The following SEC14L4 variants were observed in gnomAD, a reference collection of about 807,000 sequenced individuals.
The protein encoded by SEC14L4 is SEC14-like protein 4.
SEC14L4 carries 42 observed loss-of-function variants against 55.1 expected under a neutral mutation model. The observed-to-expected ratio is 0.76, with a 90% CI of 0.60 to 0.99. SEC14L4 has a LOEUF of 0.99. Ranked by LOEUF, SEC14L4 falls within the 50% of genes least tolerant of loss-of-function variation. The probability of loss-of-function intolerance (pLI) is 0.00; values close to 1 mark genes in which losing one functional copy is unlikely to be tolerated. For missense variants in SEC14L4, 445 were observed against 512.1 expected, an observed-to-expected ratio of 0.87 and a Z score of 1.27; for synonymous variants, 206 against 206.8, an observed-to-expected ratio of 1.00 and a Z score of 0.03.
intron 11 of SEC14L4, 102 bp from the exon 12 acceptor site, chr22:30,490,348 C>T: frequency 6.4e-7 from 1 of 1,560,788 alleles, no homozygotes; most frequent in Non-Finnish European, 8.7e-7. Flanking sequence ...GAATGAGCTG[C>T]ATCCCTGGAA....
chr22:30,500,938 G>A (rs1445547378), intron 2 of SEC14L4, among the ~76,000 whole-genome samples: 1 of 151,450 alleles, frequency 6.6e-6, no homozygotes, highest in African/African-American at 2.4e-5. Flanking sequence ...GCTCATACCT[G>A]TAATCCCCGC....
chr22:30,496,000 C>T, intron 2 of SEC14L4, 29 bp from the exon 3 acceptor site: 1 of 1,609,880 alleles, frequency 6.2e-7, no homozygotes, highest in Non-Finnish European at 8.5e-7. Context: ...AATAGAAGCT[C>T]AAGGCTAGAT....
At chr22:30,502,859 T>C (rs1936373548) in intron 2 of SEC14L4, among the ~76,000 whole-genome samples, 2 of 152,312 alleles carry the variant, frequency 1.3e-5, no homozygotes, top group South Asian at 4.1e-4. Flanking sequence ...CTTGTTATTA[T>C]TTTTTTAGAC....
intron 3 of SEC14L4, 89 bp from the exon 4 acceptor site, chr22:30,495,731 C>T (rs1025469095): frequency 1.9e-6 from 3 of 1,610,484 alleles, no homozygotes. Context: ...CAAGATCCCA[C>T]CACAGCATAC....
intron 11 of SEC14L4, 28 bp from the exon 12 acceptor site, chr22:30,490,274 G>A: frequency 6.2e-7 from 1 of 1,609,610 alleles, no homozygotes; most frequent in Non-Finnish European, 8.5e-7. Context: ...TGATCAGGGA[G>A]CACAAACCCC....
At chr22:30,500,644 G>A (rs1936288853) in intron 2 of SEC14L4, among the ~76,000 whole-genome samples, 1 of 151,842 alleles carries the variant, frequency 6.6e-6, no homozygotes, top group African/African-American at 2.4e-5. Flanking sequence ...AGGATTACAG[G>A]AGTGAGCCAC....
chr22:30,505,537 C>T (rs1316456188), intron 1 of SEC14L4, 21 bp downstream of exon 1: 4 of 1,557,142 alleles, frequency 2.6e-6, no homozygotes, highest in Non-Finnish European at 2.6e-6. Context: ...CTCAAGCCTC[C>T]CAGCCCGCGA....
chr22:30,504,942 G>T (rs1936444474), intron 1 of SEC14L4, among the ~76,000 whole-genome samples: 1 of 152,028 alleles, frequency 6.6e-6, no homozygotes, highest in African/African-American at 2.4e-5. Context: ...GACCTGCCTG[G>T]CCAATATGGT....
At chr22:30,494,324 T>G in intron 6 of SEC14L4, 114 bp from the exon 7 acceptor site, 1 of 774,818 alleles carries the variant, frequency 1.3e-6, no homozygotes, top group Non-Finnish European at 2.3e-6. Context: ...CCATCCTACC[T>G]TCCCCACAAG....
chr22:30,497,116 A>G (rs1180983066), intron 2 of SEC14L4, among the ~76,000 whole-genome samples: 1 of 152,164 alleles, frequency 6.6e-6, no homozygotes, highest in Admixed American at 6.5e-5. Flanking sequence ...AGGCGGGCAG[A>G]TCACTTGAGG....
chr22:30,495,802 A>AGG, intron 3 of SEC14L4, 126 bp downstream of exon 3: 1 of 1,594,346 alleles, frequency 6.3e-7, no homozygotes, highest in Non-Finnish European at 8.6e-7. Context: ...TGATGCAGAA[A>AGG]GAGATCGGGG....
intron 2 of SEC14L4, among the ~76,000 whole-genome samples, chr22:30,496,676 C>T (rs1601849916): frequency 6.6e-6 from 1 of 152,122 alleles, no homozygotes; most frequent in African/African-American, 2.4e-5. Flanking sequence ...AAACCTTGAG[C>T]AAGTCACTTA....
rs1365434507 is a variant in SEC14L4, at chr22:30,494,852, G to A, written c.519+14C>T. On this transcript the variant is annotated intron_variant, in intron 6 of 11. Transcript: ENST00000255858. Reference sequence around the variant, plus strand: ...CACTGCCCACACCAGCCCCAAGCCAGCCACCCACCTTACCTGCTGGTAGAC... The same window carrying A: ...CACTGCCCACACCAGCCCCAAGCCAACCACCCACCTTACCTGCTGGTAGAC... 6.3e-7 allele frequency: 1 copy of A among 1,596,716 alleles called. No homozygotes were observed. The highest frequency in any genetic ancestry group is 8.6e-7 in the Non-Finnish European group (1 of 1,165,054).
chr22:30,499,736 C>T (rs1936262578), intron 2 of SEC14L4, among the ~76,000 whole-genome samples: 1 of 151,714 alleles, frequency 6.6e-6, no homozygotes, highest in South Asian at 2.1e-4. Context: ...AAGATTCTGT[C>T]TCAAAAAAAT....
intron 2 of SEC14L4, among the ~76,000 whole-genome samples, chr22:30,499,362 T>C (rs1393646576): frequency 6.7e-6 from 1 of 150,362 alleles, no homozygotes; most frequent in Admixed American, 6.6e-5. Flanking sequence ...GGATTACAGG[T>C]GTGAGCCACC....
At chr22:30,500,139 G>A (rs1005249841) in intron 2 of SEC14L4, among the ~76,000 whole-genome samples, 5 of 152,034 alleles carry the variant, frequency 3.3e-5, no homozygotes, top group Admixed American at 6.6e-5. Flanking sequence ...CAAAGTGCTG[G>A]GATTACAGAC....
At chr22:30,494,776 A>T (rs1017153530) in intron 6 of SEC14L4, 90 bp downstream of exon 6, 8 of 841,434 alleles carry the variant, frequency 9.5e-6, no homozygotes, top group Non-Finnish European at 1.6e-5. Context: ...CCACCCCTCT[A>T]TCTCACTGGA....
intron 5 of SEC14L4, 70 bp downstream of exon 5, chr22:30,495,184 G>T (rs1936098777): frequency 4.2e-6 from 6 of 1,418,712 alleles, no homozygotes; most frequent in Non-Finnish European, 5.7e-6. Context: ...GAGGGGCAGG[G>T]TGCCACCCTT....
rs371831259 is a variant in SEC14L4 at position 30,495,465 on chromosome 22, G to A, written c.235-23C>T. ...GACCTGGAAGTGTGGGTAAGGTCCC[G>A]ACTCAATCCAGCTCACCAGGCTGGG... On this transcript the variant is annotated intron_variant, in intron 4 of 11. Coordinates refer to ENST00000255858, the MANE Select transcript of SEC14L4 (RefSeq NM_174977.4). 33 of 1,610,964 alleles carry A rather than the reference G, an allele frequency of 2.0e-5. No homozygotes were observed. The Admixed American group carries it at 2.3e-4, about 11-fold the overall frequency.
Sources: allele counts gnomAD v4.1 joint callset (sites outside exome capture counted in the v4.1 genomes callset), GRCh38; gene constraint gnomAD v4.1.1; transcripts MANE v1.5; gene names NCBI Gene and HGNC (gene_info 2026-07-23, HGNC 2026-07-21).